DMRT1: variants seen among roughly 807,000 people sequenced by gnomAD.
DMRT1 encodes doublesex and mab-3 related transcription factor 1, also known as doublesex- and mab-3-related transcription factor 1.
DMRT1 carries 7 observed loss-of-function variants against 32.3 expected under a neutral mutation model. The ratio of observed to expected loss-of-function variants is 0.22; its 90% CI spans 0.12 to 0.41. The LOEUF is 0.41. Among genes scored for constraint, DMRT1 ranks in the 10% least tolerant of loss-of-function variants. The pLI is 1.00. For synonymous variants in DMRT1, 278 were observed against 206.1 expected, an observed-to-expected ratio of 1.35 and a Z score of -2.99; for missense variants, 625 against 500.5, an observed-to-expected ratio of 1.25 and a Z score of -2.37.
chr9:961,387 A>C (rs1043716066), intron 4 of DMRT1, among the ~76,000 whole-genome samples: 3 of 152,220 alleles, frequency 2.0e-5, no homozygotes, highest in Non-Finnish European at 4.4e-5. Flanking sequence ...TACTTCCCAG[A>C]GTTCCCAACT....
chr9:861,391 T>C (rs554530306), intron 2 of DMRT1, among the ~76,000 whole-genome samples: 30 of 152,176 alleles, frequency 2.0e-4, no homozygotes, highest in Non-Finnish European at 3.1e-4. Flanking sequence ...GGGGTAAGGT[T>C]ATAGATTAAC....
intron 3 of DMRT1, among the ~76,000 whole-genome samples, chr9:909,492 C>T (rs1045718297): frequency 6.6e-6 from 1 of 151,790 alleles, no homozygotes; most frequent in African/African-American, 2.4e-5. Flanking sequence ...TTAGATGGTT[C>T]GAAAAGAAGC....
At chr9:888,664 G>A (rs1380193541) in intron 2 of DMRT1, among the ~76,000 whole-genome samples, 1 of 151,724 alleles carries the variant, frequency 6.6e-6, no homozygotes, top group Non-Finnish European at 1.5e-5. Context: ...GGGGCATGAA[G>A]GTATCTCATA....
At chr9:929,425 A>G (rs1394786728) in intron 4 of DMRT1, among the ~76,000 whole-genome samples, 4 of 152,102 alleles carry the variant, frequency 2.6e-5, no homozygotes, top group African/African-American at 7.2e-5. Context: ...AAACAGTACA[A>G]GAGGGCAATG....
chr9:885,663 G>A (rs564997609), intron 2 of DMRT1, among the ~76,000 whole-genome samples: 8 of 152,296 alleles, frequency 5.3e-5, no homozygotes, highest in Non-Finnish European at 1.0e-4. Context: ...GACACAGGAT[G>A]GAGGCATGGT....
At chr9:906,668 G>T (rs559819625) in intron 3 of DMRT1, among the ~76,000 whole-genome samples, 1 of 152,074 alleles carries the variant, frequency 6.6e-6, no homozygotes, top group Non-Finnish European at 1.5e-5. Flanking sequence ...CTAAATGTGC[G>T]GTTGTGGGCA....
intron 2 of DMRT1, among the ~76,000 whole-genome samples, chr9:871,135 C>G (rs897362316): frequency 4.6e-5 from 7 of 151,840 alleles, no homozygotes; most frequent in Non-Finnish European, 7.4e-5. Context: ...CTTCTGGGCT[C>G]AAGCCATCAT....
chr9:910,096 C>G (rs72699288), intron 3 of DMRT1, among the ~76,000 whole-genome samples: 4,507 of 152,214 alleles, frequency 0.03, 121 homozygotes, highest in Non-Finnish European at 0.042. Context: ...TAAGACTGTT[C>G]CCCTTTCTGC....
chr9:958,194 T>C (rs1247046252), intron 4 of DMRT1, among the ~76,000 whole-genome samples: 2 of 152,108 alleles, frequency 1.3e-5, no homozygotes, highest in East Asian at 3.8e-4. Flanking sequence ...AGAATATGAG[T>C]CTCCCAGTAG....
intron 2 of DMRT1, among the ~76,000 whole-genome samples, chr9:886,254 G>C (rs1042606379): frequency 3.3e-4 from 50 of 152,156 alleles, no homozygotes; most frequent in African/African-American, 1.2e-3. Context: ...GTGTTTTTTT[G>C]TTTGTTTGTT....
In DMRT1 at chr9:894,149, G is replaced by C; in HGVS notation, c.776G>C (p.Gly259Ala). The C allele has an allele frequency of 6.2e-7, 1 of 1,614,082 alleles. No individual in the cohort carries two copies. Among genetic ancestry groups the C allele is most frequent in the Non-Finnish European group, 8.5e-7 (1 of 1,180,046 alleles). Residue 259 changes from glycine to alanine, a missense_variant, in exon 3 of 5, where the codon GGC becomes GCC. This residue lies in a region of DMRT1 where 416 missense variants were observed against 321.6 expected (regional missense o/e 1.29). Transcript: ENST00000382276. ...GGSPVKNSLR[G>A]LPGPYVPGQT... ...TCCCCTGTGAAGAACAGCCTTCGGGGCCTCCCCGGACCTTATGTGCCTGGT... is the reference window on the plus strand; with the variant it reads ...TCCCCTGTGAAGAACAGCCTTCGGGCCCTCCCCGGACCTTATGTGCCTGGT...
At position 968,346 on chromosome 9, in the gene DMRT1, T is replaced by C. The variant is rs538341150; in HGVS notation, c.*207T>C. ...TACCATCTGCATGGTTTAAGTGCTTTACTCACGGAGTTTAAATAATAGTGT... is the reference window on the plus strand; with the variant it reads ...TACCATCTGCATGGTTTAAGTGCTTCACTCACGGAGTTTAAATAATAGTGT... On this transcript the variant is annotated 3_prime_UTR_variant, in exon 5 of 5. Transcript: ENST00000382276. The C allele has an allele frequency of 9.7e-5, 56 of 577,132 alleles. 1 individual carries two copies. In the Admixed American group the frequency reaches 1.4e-3, roughly 15 times the overall value. The allele number at this position is 577,132 out of a possible 1,614,324, so 35.8% of individuals were successfully genotyped here.
chr9:918,589 A>G (rs1258794136), intron 4 of DMRT1, among the ~76,000 whole-genome samples: 1 of 152,190 alleles, frequency 6.6e-6, no homozygotes. Context: ...ACCACCTACA[A>G]TTCCTTATTA....
At chr9:906,031 C>CACACACACACA (rs755850220) in intron 3 of DMRT1, among the ~76,000 whole-genome samples, 18 of 19,330 alleles carry the variant, frequency 9.3e-4, no homozygotes, top group African/African-American at 1.5e-3. Context: ...ACACACACAC[C>CACACACACACA]CACACACACA....
rs557707805 is a variant in DMRT1, at chr9:944,436, C to T, written c.968-23549C>T. 3.1e-4 allele frequency among the ~76,000 whole-genome samples: 47 copies of T among 152,306 alleles called. 1 individual carries two copies. Among genetic ancestry groups the T allele is most frequent in the African/African-American group, 9.9e-4 (41 of 41,582 alleles). On this transcript the variant is annotated intron_variant, in intron 4 of 4. Coordinates refer to ENST00000382276, the MANE Select transcript of DMRT1 (RefSeq NM_021951.3). ...CAATAAACACATATACAATTTTCAGCAGCTCACTCCCCTCTTGCTCCTCCC... is the reference window on the plus strand; with the variant it reads ...CAATAAACACATATACAATTTTCAGTAGCTCACTCCCCTCTTGCTCCTCCC...
At chr9:865,314 T>A (rs1423192082) in intron 2 of DMRT1, among the ~76,000 whole-genome samples, 1 of 152,192 alleles carries the variant, frequency 6.6e-6, no homozygotes, top group African/African-American at 2.4e-5. Context: ...ACCTCTCTGA[T>A]TTTCAGCAGT....
In DMRT1 at chr9:862,064, G is replaced by T. The variant is rs550402527; in HGVS notation, c.538+14921G>T. 1.8e-4 allele frequency among the ~76,000 whole-genome samples: 27 copies of T among 151,418 alleles called. No homozygotes were observed. In the South Asian group the frequency reaches 3.0e-3, roughly 17 times the overall value. On this transcript the variant is annotated intron_variant, in intron 2 of 4. Coordinates refer to ENST00000382276, the MANE Select transcript of DMRT1 (RefSeq NM_021951.3). ...CTCCTCACATCCCAGACGATGGGCG[G>T]CCAGGCAGAGACGCTCCTCACTTCC...
chr9:962,813 G>A (rs942733465), intron 4 of DMRT1, among the ~76,000 whole-genome samples: 1 of 152,070 alleles, frequency 6.6e-6, no homozygotes, highest in Non-Finnish European at 1.5e-5. Context: ...AGTTTGATGG[G>A]TGCATTATCA....
chr9:914,179 C>CT (rs1554755862), intron 3 of DMRT1, among the ~76,000 whole-genome samples: 2 of 152,146 alleles, frequency 1.3e-5, no homozygotes, highest in African/African-American at 4.8e-5. Flanking sequence ...TTAGTGGCTT[C>CT]TTAATGGGCT....
Sources: gnomAD v4.1 joint callset for allele counts (sites outside exome capture counted in the v4.1 genomes callset) on GRCh38, gnomAD v4.1.1 for gene constraint, gnomAD v4.1.1 regional missense constraint, MANE v1.5 for transcripts, NCBI Gene and HGNC (gene_info 2026-07-23, HGNC 2026-07-21) for gene names.